TRIM67: variants seen among roughly 807,000 people sequenced by gnomAD.
TRIM67 encodes the protein tripartite motif containing 67.
In TRIM67, 39 loss-of-function variants were observed where a neutral mutation model predicts 71.0. That is an observed-to-expected ratio of 0.55 (90% CI 0.43 to 0.72). The LOEUF is 0.72. Ranked by LOEUF, TRIM67 falls within the 30% of genes least tolerant of loss-of-function variation. The pLI is 0.00. For synonymous variants in TRIM67, 481 were observed against 473.9 expected, an observed-to-expected ratio of 1.01 and a Z score of -0.19; for missense variants, 973 against 1,079.2, an observed-to-expected ratio of 0.90 and a Z score of 1.38.
At chr1:231,178,181 G>T (rs1429008511) in intron 1 of TRIM67, among the ~76,000 whole-genome samples, 1 of 152,184 alleles carries the variant, frequency 6.6e-6, no homozygotes. Context: ...AAAAAAGCTG[G>T]CTGGGAAATG....
chr1:231,164,464 T>C (rs1682395808), intron 1 of TRIM67, among the ~76,000 whole-genome samples: 1 of 152,174 alleles, frequency 6.6e-6, no homozygotes, highest in African/African-American at 2.4e-5. Flanking sequence ...AGAGGAGCCA[T>C]CAAAATCTGG....
At chr1:231,167,891 C>T (rs143508109) in intron 1 of TRIM67, among the ~76,000 whole-genome samples, 43 of 152,094 alleles carry the variant, frequency 2.8e-4, no homozygotes, top group African/African-American at 8.7e-4. Flanking sequence ...ATAATACATA[C>T]GTGACAAAGA....
rs192901206 is a variant in TRIM67, at chr1:231,217,088, C to T, written c.*1648C>T. 1.1e-5 allele frequency: 11 copies of T among 985,916 alleles called. No homozygotes were observed. Among genetic ancestry groups the T allele is most frequent in the Middle Eastern group, 5.2e-4 (1 of 1,914 alleles). The allele number at this position is 985,916 out of a possible 1,614,324, so 61.1% of individuals were successfully genotyped here. A position where few individuals can be genotyped will look rare whatever the true frequency, so the allele number is the denominator to read the frequency against. On this transcript the variant is annotated 3_prime_UTR_variant, in exon 10 of 10. Transcript: ENST00000366653. ...ACCGCGCCTGCTTTCTGAGTAACTG[C>T]CTGCCGGAGCCATGCAGGTACCCCC... is the stretch of plus-strand genomic sequence containing the variant.
intron 1 of TRIM67, chr1:231,184,807 CATCATTA>C (rs1387621023): frequency 5.1e-6 from 3 of 584,124 alleles, no homozygotes; most frequent in Non-Finnish European, 9.1e-6. Context: ...CCATGCACAC[CATCATTA>C]AACCTTGAGG....
At position 231,218,877 on chromosome 1, in the gene TRIM67, T is replaced by C; in HGVS notation, c.*3437T>C. 1 of 985,466 alleles carries C rather than the reference T, an allele frequency of 1.0e-6. No individual in the cohort carries two copies. 61.0% of individuals were successfully genotyped at this position (985,466 alleles called of 1,614,324 possible). A position where few individuals can be genotyped will look rare whatever the true frequency, so the allele number is the denominator to read the frequency against. On this transcript the variant is annotated 3_prime_UTR_variant, in exon 10 of 10. Coordinates refer to ENST00000366653, the MANE Select transcript of TRIM67 (RefSeq NM_001004342.5). ...CTCTTTGCGCCCTTTCTCTCCCTCT[T>C]GGTGCCCCTGCCCTCCGCCCCACCA...
At chr1:231,201,558 A>G in intron 5 of TRIM67, 41 bp downstream of exon 5, 2 of 1,599,396 alleles carry the variant, frequency 1.3e-6, no homozygotes, top group Non-Finnish European at 1.7e-6. Flanking sequence ...TGCTTCTTTC[A>G]AAAGAGGCAT....
chr1:231,164,019 C>A lies in TRIM67; in HGVS notation c.1044+6C>A, dbSNP rs757943370. ...CCATGTGGAAGCAGCACAAGGTGAGCCCGCGGGACGCGGGAGTGCAGGTGC... is the reference window on the plus strand; with the variant it reads ...CCATGTGGAAGCAGCACAAGGTGAGACCGCGGGACGCGGGAGTGCAGGTGC... On this transcript the variant is annotated splice_donor_region_variant and intron_variant, in intron 1 of 9. Transcript: ENST00000366653. 29 of 1,505,300 alleles carry A rather than the reference C, an allele frequency of 1.9e-5. No homozygotes were observed. Among genetic ancestry groups the A allele is most frequent in the African/African-American group, 5.6e-5 (4 of 71,390 alleles). The allele number at this position is 1,505,300 out of a possible 1,614,324, so 93.2% of individuals were successfully genotyped here. A position where few individuals can be genotyped will look rare whatever the true frequency, so the allele number is the denominator to read the frequency against.
intron 1 of TRIM67, among the ~76,000 whole-genome samples, chr1:231,188,569 A>T (rs1330786824): frequency 6.6e-6 from 1 of 152,186 alleles, no homozygotes; most frequent in Non-Finnish European, 1.5e-5. Context: ...GAACATCCAA[A>T]GTGCAGTGCA....
At chr1:231,188,598 C>T (rs1334581994) in intron 1 of TRIM67, among the ~76,000 whole-genome samples, 1 of 152,174 alleles carries the variant, frequency 6.6e-6, no homozygotes, top group Non-Finnish European at 1.5e-5. Flanking sequence ...CAAAGAGCAT[C>T]GACTTTGGAT....
At chr1:231,165,010 A>T (rs1387748044) in intron 1 of TRIM67, among the ~76,000 whole-genome samples, 4 of 152,228 alleles carry the variant, frequency 2.6e-5, no homozygotes, top group Non-Finnish European at 5.9e-5. Flanking sequence ...TACATATGAA[A>T]AAAAGATAAA....
intron 1 of TRIM67, among the ~76,000 whole-genome samples, chr1:231,182,440 A>G (rs1682931000): frequency 6.6e-6 from 1 of 152,172 alleles, no homozygotes; most frequent in Non-Finnish European, 1.5e-5. Flanking sequence ...CGATTACAGT[A>G]GAACAGAAAG....
At chr1:231,169,375 T>TC (rs1174902774) in intron 1 of TRIM67, among the ~76,000 whole-genome samples, 2 of 144,286 alleles carry the variant, frequency 1.4e-5, no homozygotes, top group Non-Finnish European at 3.0e-5. Context: ...TCTCTTTTTT[T>TC]TTTTTTTTTT....
At chr1:231,205,323 A>C (rs190663859) in intron 6 of TRIM67, among the ~76,000 whole-genome samples, 1 of 152,362 alleles carries the variant, frequency 6.6e-6, no homozygotes, top group Non-Finnish European at 1.5e-5. Context: ...ACATTATTTA[A>C]TTAGCAGAAA....
intron 1 of TRIM67, among the ~76,000 whole-genome samples, chr1:231,196,063 C>T (rs566224372): frequency 2.6e-5 from 4 of 152,194 alleles, no homozygotes; most frequent in South Asian, 2.1e-4. Flanking sequence ...GTCCTTCATT[C>T]TAGGACATGG....
rs1224985620 is a variant in TRIM67 at position 231,217,183 on chromosome 1, G to A, written c.*1743G>A. 47 of 985,876 alleles carry A rather than the reference G, an allele frequency of 4.8e-5. No homozygotes were observed. Among genetic ancestry groups the A allele is most frequent in the Non-Finnish European group, 5.4e-5 (45 of 830,062 alleles). 61.1% of individuals were successfully genotyped at this position (985,876 alleles called of 1,614,324 possible). A position where few individuals can be genotyped will look rare whatever the true frequency, so the allele number is the denominator to read the frequency against. ...CTTGGTCTGCAAGGCTGCTTGGTCCGCTGTCTCTGCAGATGTGGCCGGCAA... is the reference window on the plus strand; with the variant it reads ...CTTGGTCTGCAAGGCTGCTTGGTCCACTGTCTCTGCAGATGTGGCCGGCAA... On this transcript the variant is annotated 3_prime_UTR_variant, in exon 10 of 10. Transcript: ENST00000366653.
intron 8 of TRIM67, 128 bp from the exon 9 acceptor site, chr1:231,213,687 C>A: frequency 8.7e-7 from 1 of 1,145,432 alleles, no homozygotes; most frequent in Non-Finnish European, 1.2e-6. Context: ...ACCGAGATGG[C>A]GTCACTGCAC....
intron 1 of TRIM67, among the ~76,000 whole-genome samples, chr1:231,187,239 G>A (rs1422207485): frequency 2.0e-5 from 3 of 152,092 alleles, no homozygotes. Context: ...GCCTCTGTTG[G>A]CCCCAGGCTC....
chr1:231,180,956 T>TG (rs1682887807), intron 1 of TRIM67, among the ~76,000 whole-genome samples: 17 of 60,220 alleles, frequency 2.8e-4, no homozygotes, highest in African/African-American at 1.8e-3. Context: ...GGAGAAGGTT[T>TG]TTTTGTTTGT....
At chr1:231,172,094 AAACAAACC>A (rs1333640405) in intron 1 of TRIM67, among the ~76,000 whole-genome samples, 4 of 152,184 alleles carry the variant, frequency 2.6e-5, no homozygotes, top group Admixed American at 2.6e-4. Context: ...CTCTAAAAAC[AAACAAACC>A]AACAAACCAA....
Sources: allele counts gnomAD v4.1 joint callset (sites outside exome capture counted in the v4.1 genomes callset), GRCh38; gene constraint gnomAD v4.1.1; transcripts MANE v1.5; gene names NCBI Gene and HGNC (gene_info 2026-07-23, HGNC 2026-07-21).